ASAH1: variants seen among roughly 807,000 people sequenced by gnomAD.
ASAH1 encodes N-acylsphingosine amidohydrolase 1.
A neutral mutation model predicts 59.5 loss-of-function variants in ASAH1; 70 were observed. That is an observed-to-expected ratio of 1.18 (90% CI 0.97 to 1.43). The LOEUF is 1.43. ASAH1 is among the 40% of genes most tolerant of loss of function. The pLI is 0.00. For missense variants in ASAH1, 660 were observed against 482.5 expected, an observed-to-expected ratio of 1.37 and a Z score of -3.45; for synonymous variants, 213 against 166.5, an observed-to-expected ratio of 1.28 and a Z score of -2.15.
At chr8:18,068,022 C>G (rs1398724830) in intron 4 of ASAH1, 2 of 152,020 alleles carry the variant, frequency 1.3e-5, no homozygotes, top group African/African-American at 4.8e-5. Flanking sequence ...CCTAGGAACT[C>G]AAAGCATTCC....
chr8:18,084,889 G>C (rs1303016814), upstream of ASAH1: 2 of 1,549,868 alleles, frequency 1.3e-6, no homozygotes, highest in East Asian at 2.3e-5. Flanking sequence ...CGAGTAGCTC[G>C]GCAGGGGGAC....
At chr8:18,065,832 CAAACA>C (rs1799906297) in intron 5 of ASAH1, 1 of 151,456 alleles carries the variant, frequency 6.6e-6, no homozygotes, top group Admixed American at 6.6e-5. Context: ...CTTAATTCCC[CAAACA>C]AAACAACATA....
chr8:18,071,011 C>T (rs1800147360), intron 3 of ASAH1, among the ~76,000 whole-genome samples: 1 of 152,032 alleles, frequency 6.6e-6, no homozygotes, highest in South Asian at 2.1e-4. Flanking sequence ...AGTTTGAGAT[C>T]AGCTTGGACA....
chr8:18,057,144 A>C lies in ASAH1; in HGVS notation c.*390T>G, dbSNP rs944184253. On this transcript the variant is annotated 3_prime_UTR_variant, in exon 14 of 14. Coordinates refer to ENST00000637790, the MANE Select transcript of ASAH1 (RefSeq NM_177924.5). ...TGTAGGTAGAAGTGAAAAACTGAAG[A>C]ATGTGGAGTGTTTACTGTCCCGTTA... 19 of 198,836 alleles carry C rather than the reference A, an allele frequency of 9.6e-5. No individual in the cohort carries two copies. The highest frequency in any genetic ancestry group is 4.4e-4 in the African/African-American group (19 of 43,118). The allele number at this position is 198,836 out of a possible 1,614,324, so 12.3% of individuals were successfully genotyped here.
intron 6 of ASAH1, 92 bp from the exon 7 acceptor site, chr8:18,063,322 G>C: frequency 8.0e-7 from 1 of 1,246,746 alleles, no homozygotes; most frequent in Non-Finnish European, 1.2e-6. Context: ...ATTTATTTTT[G>C]AGACAGAGTC....
chr8:18,073,054 T>A (rs971380673), intron 2 of ASAH1, among the ~76,000 whole-genome samples: 3 of 152,180 alleles, frequency 2.0e-5, no homozygotes, highest in Non-Finnish European at 2.9e-5. Context: ...GTGGGGATGA[T>A]GAGACCCCAC....
At chr8:18,084,398 GAGC>G (rs1201526961), upstream of ASAH1, 26 of 1,398,904 alleles carry the variant, frequency 1.9e-5, no homozygotes, top group Non-Finnish European at 2.4e-5. Context: ...GTGGGGCCGG[GAGC>G]TTCACCCGTG....
At position 18,084,098 on chromosome 8, in the gene ASAH1, G is replaced by A. The variant is rs200994787; in HGVS notation, c.-40C>T. 591 of 1,596,722 alleles carry A rather than the reference G, an allele frequency of 3.7e-4. 3 individuals are homozygous for A. In the African/African-American group the frequency reaches 6.6e-3, roughly 18 times the overall value. On this transcript the variant is annotated 5_prime_UTR_variant, in exon 1 of 14. Transcript: ENST00000637790. Reference sequence around the variant, plus strand: ...ACGCCACTCCCCGGACTCCAGCAGAGGCAAAGAAGAGCCGGCTGGGCCGGG... The same window carrying A: ...ACGCCACTCCCCGGACTCCAGCAGAAGCAAAGAAGAGCCGGCTGGGCCGGG...
intron 1 of ASAH1, chr8:18,076,617 A>T (rs2117081912): frequency 6.6e-6 from 1 of 152,378 alleles, no homozygotes. Context: ...AAAAAGTACA[A>T]ATCCAAAATA....
In ASAH1 at chr8:18,057,484, G is replaced by T. The variant is rs748511962; in HGVS notation, c.*50C>A. Reference sequence around the variant, plus strand: ...CAGCTGCAGTGTTCGGTCACATGGAGATGGTGTCTTCATGTCTCAGAGGCC... The same window carrying T: ...CAGCTGCAGTGTTCGGTCACATGGATATGGTGTCTTCATGTCTCAGAGGCC... On this transcript the variant is annotated 3_prime_UTR_variant, in exon 14 of 14. Transcript: ENST00000637790. The T allele has an allele frequency of 7.0e-7, 1 of 1,423,228 alleles. No homozygotes were observed. Among genetic ancestry groups the T allele is most frequent in the African/African-American group, 1.4e-5 (1 of 70,480 alleles). The allele number at this position is 1,423,228 out of a possible 1,614,324, so 88.2% of individuals were successfully genotyped here.
intron 4 of ASAH1, 158 bp downstream of exon 4, chr8:18,069,634 T>C: frequency 1.7e-6 from 1 of 590,844 alleles, no homozygotes; most frequent in Non-Finnish European, 3.0e-6. Context: ...ATATTACCAA[T>C]TCCCCAAATT....
At chr8:18,062,867 T>C (rs1799764191) in intron 7 of ASAH1, 1 of 287,794 alleles carries the variant, frequency 3.5e-6, no homozygotes, top group South Asian at 3.4e-5. Flanking sequence ...AGTTCTGTGT[T>C]CTTTTTTTTT....
intron 1 of ASAH1, among the ~76,000 whole-genome samples, chr8:18,080,402 G>A (rs901837939): frequency 2.8e-4 from 42 of 152,132 alleles, no homozygotes; most frequent in African/African-American, 9.6e-4. Flanking sequence ...TTAGCCTACC[G>A]CAAGCTGTTT....
At chr8:18,073,805 AGAGTT>A (rs997977820) in intron 2 of ASAH1, among the ~76,000 whole-genome samples, 4 of 152,246 alleles carry the variant, frequency 2.6e-5, no homozygotes, top group African/African-American at 7.2e-5. Context: ...ATCCATTGAT[AGAGTT>A]GAGAGAAGAG....
At chr8:18,079,301 T>C (rs1428943045) in intron 1 of ASAH1, among the ~76,000 whole-genome samples, 1 of 147,314 alleles carries the variant, frequency 6.8e-6, no homozygotes, top group African/African-American at 2.5e-5. Context: ...AAAAACTCTC[T>C]GGAAAGTGCT....
At chr8:18,062,669 G>C (rs1331240110) in intron 7 of ASAH1, 1 of 520,558 alleles carries the variant, frequency 1.9e-6, no homozygotes, top group Non-Finnish European at 3.4e-6. Flanking sequence ...TTCAAACATA[G>C]AATGCTAATT....
Position 18,069,858 on chromosome 8 carries a change from A to G in ASAH1, c.237T>C (p.Ser79=). Residue 79 remains serine, a synonymous_variant, in exon 4 of 14, where the codon TCT becomes TCC. Coordinates refer to ENST00000637790, the MANE Select transcript of ASAH1 (RefSeq NM_177924.5). ...KAPVLKVIVN[S]LKNMINTFVP... Reference sequence around the variant, plus strand: ...CGAATGTATTTATCATATTCTTCAGAGAATTCACTATAACCTTTAGCTGAA... The same window carrying G: ...CGAATGTATTTATCATATTCTTCAGGGAATTCACTATAACCTTTAGCTGAA... 6.3e-7 allele frequency: 1 copy of G among 1,588,364 alleles called. No individual in the cohort carries two copies. The highest frequency in any genetic ancestry group is 2.2e-5 in the East Asian group (1 of 44,762).
chr8:18,061,811 C>T, intron 8 of ASAH1, 71 bp from the exon 9 acceptor site: 1 of 1,385,610 alleles, frequency 7.2e-7, no homozygotes, highest in South Asian at 1.2e-5. Flanking sequence ...GCTCACTGTA[C>T]TTCAGAGTGG....
intron 4 of ASAH1, among the ~76,000 whole-genome samples, chr8:18,069,155 A>G (rs1800054772): frequency 1.3e-5 from 2 of 151,796 alleles, no homozygotes; most frequent in Non-Finnish European, 2.9e-5. Flanking sequence ...AAAAAAAAAA[A>G]AAAAAAGCTG....
Sources: allele counts gnomAD v4.1 joint callset (sites outside exome capture counted in the v4.1 genomes callset), GRCh38; gene constraint gnomAD v4.1.1; transcripts MANE v1.5; gene names NCBI Gene and HGNC (gene_info 2026-07-23, HGNC 2026-07-21).